IGSF1: variants seen among roughly 807,000 people sequenced by gnomAD.
IGSF1 encodes immunoglobulin-like domain-containing protein 1.
IGSF1 carries 40 observed loss-of-function variants against 95.3 expected under a neutral mutation model. That is an observed-to-expected ratio of 0.42 (90% CI 0.33 to 0.55). The LOEUF is 0.55. Among genes scored for constraint, IGSF1 ranks in the 20% least tolerant of loss-of-function variants. IGSF1 has a pLI of 0.10. For missense variants in IGSF1, 906 were observed against 1,025.4 expected (o/e 0.88, Z 1.59); for synonymous variants, 372 against 382.9 (o/e 0.97, Z 0.33).
intron 1 of IGSF1, among the ~76,000 whole-genome samples, chrX:131,287,638 A>G (rs180947289): frequency 4.6e-4 from 51 of 111,656 alleles, no homozygotes; most frequent in Non-Finnish European, 7.5e-5. Flanking sequence ...TCTAAGGGAA[A>G]TGGAATTGTT....
chrX:131,287,046 T>C (rs1269452889), intron 1 of IGSF1, among the ~76,000 whole-genome samples: 1 of 56,428 alleles, frequency 1.8e-5, no homozygotes, highest in Non-Finnish European at 3.5e-5. Flanking sequence ...GAGTCACCTT[T>C]TCAGATATGC....
At position 131,278,537 on chromosome X, in the gene IGSF1, G is replaced by T. The variant is rs150559043; in HGVS notation, c.1965C>A (p.Thr655=). 8.3e-7 allele frequency: 1 copy of T among 1,210,782 alleles called. No individual in the cohort carries two copies. The highest frequency in any genetic ancestry group is 2.2e-5 in the Admixed American group (1 of 46,056). ...FPLGALTQSH[T]GSYHCHSWEE... ...CCCATGAATGGCAGTGGTAGCTCCCGGTGTGGCTCTGGGTCAGGGCGCCAA... is the reference window on the plus strand; with the variant it reads ...CCCATGAATGGCAGTGGTAGCTCCCTGTGTGGCTCTGGGTCAGGGCGCCAA... The change falls in exon 12 of 20, where the codon ACC becomes ACA. Residue 655 remains threonine, a synonymous_variant. Transcript: ENST00000361420.
chrX:131,288,112 A>G (rs1229363264), intron 1 of IGSF1, among the ~76,000 whole-genome samples: 3 of 111,640 alleles, frequency 2.7e-5, no homozygotes, highest in Non-Finnish European at 5.6e-5. Flanking sequence ...CCAAGGAAGC[A>G]TAGGTCCATT....
chrX:131,280,727 G>T (rs1224751811), intron 9 of IGSF1, among the ~76,000 whole-genome samples: 1 of 111,742 alleles, frequency 8.9e-6, no homozygotes, highest in Admixed American at 9.6e-5. Context: ...TGCACAGGTG[G>T]TTGGAGGCCA....
chrX:131,275,443 A>G lies in IGSF1; in HGVS notation c.3184+35T>C, dbSNP rs747586352. ...AACTAGTCTATTCCCTCCTTTCTAC[A>G]CTTCCATGCCCACTCGACAGCCTCT... On this transcript the variant is annotated intron_variant, in intron 16 of 19. Coordinates refer to ENST00000361420, the MANE Select transcript of IGSF1 (RefSeq NM_001555.5). 7 of 1,188,418 alleles carry G rather than the reference A, an allele frequency of 5.9e-6. No individual in the cohort carries two copies. In the African/African-American group the frequency reaches 1.2e-4, roughly 21 times the overall value.
chrX:131,282,161 C>A (rs1216675334), intron 7 of IGSF1, among the ~76,000 whole-genome samples: 2 of 111,443 alleles, frequency 1.8e-5, no homozygotes, highest in African/African-American at 6.5e-5. Flanking sequence ...AGACCTCATA[C>A]CTGTAAGCTT....
intron 5 of IGSF1, chrX:131,284,908 C>G: frequency 1.3e-6 from 1 of 749,905 alleles, no homozygotes; most frequent in Non-Finnish European, 1.7e-6. Flanking sequence ...TGATATTCAA[C>G]AAGTTGAGAA....
intron 3 of IGSF1, 87 bp downstream of exon 3, chrX:131,286,350 C>G: frequency 1.2e-6 from 1 of 818,851 alleles, no homozygotes; most frequent in Non-Finnish European, 1.8e-6. Flanking sequence ...TCTGGAATCT[C>G]AAGGCATTAT....
intron 9 of IGSF1, among the ~76,000 whole-genome samples, chrX:131,279,867 T>A (rs899086409): frequency 8.9e-6 from 1 of 111,895 alleles, no homozygotes; most frequent in African/African-American, 3.3e-5. Context: ...CTGTGATGAA[T>A]TACTAGAAGA....
chrX:131,287,307 G>T (rs2080658072), intron 1 of IGSF1, among the ~76,000 whole-genome samples: 1 of 109,124 alleles, frequency 9.2e-6, no homozygotes, highest in African/African-American at 3.3e-5. Context: ...AAAGTCAAAA[G>T]ATATTAAATA....
chrX:131,276,072 G>A lies in IGSF1; in HGVS notation c.2785C>T (p.Leu929Phe), dbSNP rs748257227. Residue 929 changes from leucine to phenylalanine, a missense_variant, in exon 15 of 20, where the codon CTC (leucine) becomes TTC (phenylalanine). By Grantham distance (22) the Leu-to-Phe change is conservative. Coordinates refer to ENST00000361420, the MANE Select transcript of IGSF1 (RefSeq NM_001555.5). ...GAGTCCTCTGCTCCAACAGTGTGGA[G>A]AAGGAAGTCAGCTGAGTTCCCTGAG... is the stretch of plus-strand genomic sequence containing the variant. ...SVSGNSADFLLHTVGAEDSGN... is the reference protein window; with the variant it reads ...SVSGNSADFLFHTVGAEDSGN... 8.3e-7 allele frequency: 1 copy of A among 1,210,197 alleles called. No homozygotes were observed. Among genetic ancestry groups the A allele is most frequent in the South Asian group, 1.8e-5 (1 of 56,706 alleles).
chrX:131,278,800 C>T (rs781439362), intron 11 of IGSF1, 49 bp from the exon 12 acceptor site: 4 of 1,116,314 alleles, frequency 3.6e-6, no homozygotes, highest in Non-Finnish European at 4.9e-6. Context: ...CCCTTCCCCT[C>T]CCTCCTCCTT....
In IGSF1 at chrX:131,281,699, G is replaced by C. The variant is rs200210980; in HGVS notation, c.1492C>G (p.Arg498Gly). Residue 498 changes from arginine to glycine, a missense_variant, in exon 8 of 20, where the codon CGC (arginine) becomes GGC (glycine). Arg to Gly is a moderately radical substitution (Grantham distance 125, BLOSUM62 -2). Transcript: ENST00000361420. ...VETHPNIWSH[R>G]SEPLKLMGPA... ...CCCATCAGCTTCAGGGGCTCACTGC[G>C]ATGTGACCAGATGTTAGGATGTGTC... The C allele has an allele frequency of 1.7e-5, 20 of 1,208,919 alleles. No individual in the cohort carries two copies. The highest frequency in any genetic ancestry group is 2.2e-5 in the Non-Finnish European group (20 of 894,598).
chrX:131,283,272 C>T lies in IGSF1; in HGVS notation c.668-8G>A, dbSNP rs181264169. On this transcript the variant is annotated splice_region_variant and splice_polypyrimidine_tract_variant and intron_variant, in intron 5 of 19. Coordinates refer to ENST00000361420, the MANE Select transcript of IGSF1 (RefSeq NM_001555.5). ...TTGGTTTGGGGTAGAGTCCTACAAA[C>T]GGAAGAGACCCTAAAGTTAGAGGCA... 3.6e-3 allele frequency: 4,179 copies of T among 1,176,796 alleles called. 12 individuals are homozygous for T. Among genetic ancestry groups the T allele is most frequent in the Non-Finnish European group, 3.2e-3 (2,780 of 873,349 alleles).
intron 8 of IGSF1, 105 bp downstream of exon 8, chrX:131,281,561 G>T: frequency 1.0e-6 from 1 of 978,029 alleles, no homozygotes; most frequent in Non-Finnish European, 1.4e-6. Context: ...AAACCCAAGG[G>T]CTCTGATTTT....
chrX:131,278,342 G>T, intron 12 of IGSF1, 119 bp downstream of exon 12: 2 of 701,079 alleles, frequency 2.9e-6, no homozygotes, highest in Non-Finnish European at 4.3e-6. Context: ...TCTCCTACAT[G>T]CAGCACGAGC....
intron 5 of IGSF1, chrX:131,284,425 C>A: frequency 1.7e-6 from 1 of 580,234 alleles, no homozygotes; most frequent in East Asian, 1.7e-4. Flanking sequence ...AGAAATAGAA[C>A]TAGAAACCAG....
chrX:131,276,697 C>G (rs1345105731), intron 14 of IGSF1, among the ~76,000 whole-genome samples: 3 of 111,627 alleles, frequency 2.7e-5, no homozygotes, highest in African/African-American at 9.8e-5. Context: ...ATTAGACACC[C>G]CCATCTACCT....
In IGSF1 at chrX:131,279,956, T is replaced by G. The variant is rs1395352462; in HGVS notation, c.1647-615A>C. Among the ~76,000 whole-genome samples the G allele has an allele frequency of 4.5e-5, 5 of 111,905 alleles. No individual in the cohort carries two copies. The Admixed American group carries it at 4.7e-4, about 11-fold the overall frequency. ...ATTATAACTAGAAATGTGCAGCAGC[T>G]TTGGGTCATGAGTCTTGTAGTATTA... On this transcript the variant is annotated intron_variant, in intron 9 of 19. Transcript: ENST00000361420.
Sources: allele counts gnomAD v4.1 joint callset (sites outside exome capture counted in the v4.1 genomes callset), GRCh38; gene constraint gnomAD v4.1.1; transcripts MANE v1.5; gene names NCBI Gene and HGNC (gene_info 2026-07-23, HGNC 2026-07-21).